The following ASRGL1 variants were observed in gnomAD, a reference collection of about 807,000 sequenced individuals.
ASRGL1 encodes the protein isoaspartyl peptidase/L-asparaginase.
ASRGL1 carries 16 observed loss-of-function variants against 22.4 expected under a neutral mutation model. The observed-to-expected ratio is 0.71, with a 90% confidence interval of 0.48 to 1.08. The LOEUF (loss-of-function observed/expected upper bound fraction) is 1.08, where lower values mean the gene tolerates loss of function less well. Ranked by LOEUF, ASRGL1 falls within the 50% of genes least tolerant of loss-of-function variation. ASRGL1 has a pLI of 0.00. For missense variants in ASRGL1, 412 were observed against 410.1 expected (o/e 1.00, Z -0.04); for synonymous variants, 165 against 159.3 (o/e 1.04, Z -0.27).
At chr11:62,366,043 C>T (rs1447748156) in intron 4 of ASRGL1, among the ~76,000 whole-genome samples, 1 of 146,602 alleles carries the variant, frequency 6.8e-6, no homozygotes, top group African/African-American at 2.6e-5. Flanking sequence ...GCAGACTGCC[C>T]GAGCTCAGGA....
intron 4 of ASRGL1, among the ~76,000 whole-genome samples, chr11:62,369,448 C>G (rs569512494): frequency 6.6e-6 from 1 of 152,108 alleles, no homozygotes; most frequent in Non-Finnish European, 1.5e-5. Flanking sequence ...CTCTTTTCCC[C>G]ACATAACCCT....
intron 2 of ASRGL1, among the ~76,000 whole-genome samples, chr11:62,338,949 A>AAAAC (rs56398788): frequency 6.8e-6 from 1 of 148,126 alleles, no homozygotes; most frequent in Non-Finnish European, 1.5e-5. Flanking sequence ...AAAAAAAAAA[A>AAAAC]CTGAAAAAAG....
At chr11:62,369,520 G>A (rs1290890503) in intron 4 of ASRGL1, among the ~76,000 whole-genome samples, 1 of 151,894 alleles carries the variant, frequency 6.6e-6, no homozygotes, top group Non-Finnish European at 1.5e-5. Flanking sequence ...CTGTCTCTTC[G>A]GAGCTGCTGG....
chr11:62,338,874 G>A (rs565675701), intron 2 of ASRGL1, among the ~76,000 whole-genome samples: 10 of 150,430 alleles, frequency 6.6e-5, no homozygotes, highest in African/African-American at 2.2e-4. Flanking sequence ...GAACCTGAGA[G>A]GCAGAGGTTG....
At position 62,363,650 on chromosome 11, in the gene ASRGL1, A is replaced by G. The variant is rs72923219; in HGVS notation, c.491+6506A>G. Among the ~76,000 whole-genome samples, 336 of 152,362 alleles carry G rather than the reference A, an allele frequency of 2.2e-3. 2 individuals are homozygous for G. Among genetic ancestry groups the G allele is most frequent in the Non-Finnish European group, 2.8e-3 (193 of 68,038 alleles). ...GCAATCACAATTTATATATAAATCC[A>G]TATAGTATTTGAGTGTGATCATGTA... On this transcript the variant is annotated intron_variant, in intron 4 of 6. Transcript: ENST00000415229.
intron 6 of ASRGL1, 158 bp from the exon 7 acceptor site, chr11:62,391,921 C>A: frequency 1.1e-6 from 1 of 880,056 alleles, no homozygotes; most frequent in Non-Finnish European, 1.8e-6. Context: ...AGGGCGCTGT[C>A]TCAGGGCAAG....
At chr11:62,364,142 G>A (rs1946550978) in intron 4 of ASRGL1, among the ~76,000 whole-genome samples, 1 of 137,626 alleles carries the variant, frequency 7.3e-6, no homozygotes, top group Non-Finnish European at 1.6e-5. Context: ...CTGGGTGACA[G>A]GGTAAGAGTC....
At chr11:62,357,416 ATTTTTTT>A (rs1342638247) in intron 4 of ASRGL1, among the ~76,000 whole-genome samples, 1 of 100,412 alleles carries the variant, frequency 1.0e-5, no homozygotes, top group Non-Finnish European at 1.9e-5. Context: ...CACCCGGCTC[ATTTTTTT>A]TTTTTTTTTT....
intron 2 of ASRGL1, 102 bp downstream of exon 2, chr11:62,338,269 G>A: frequency 8.4e-7 from 1 of 1,184,896 alleles, no homozygotes. Context: ...TGAGCTTTGG[G>A]GTGAAACTAA....
At chr11:62,365,236 T>C (rs764580854) in intron 4 of ASRGL1, among the ~76,000 whole-genome samples, 34 of 152,048 alleles carry the variant, frequency 2.2e-4, no homozygotes, top group Non-Finnish European at 4.1e-4. Flanking sequence ...GCTAATAATA[T>C]TGTGTACTGG....
At chr11:62,361,429 TC>T (rs34694043) in intron 4 of ASRGL1, among the ~76,000 whole-genome samples, 1 of 151,034 alleles carries the variant, frequency 6.6e-6, no homozygotes, top group Non-Finnish European at 1.5e-5. Context: ...CAAGGGATCT[TC>T]CCTCCTGCTT....
chr11:62,357,167 A>G (rs1236878671), intron 4 of ASRGL1, 23 bp downstream of exon 4: 2 of 1,606,796 alleles, frequency 1.2e-6, no homozygotes. Context: ...TGTGGCTCGC[A>G]TTATTTGGGA....
At chr11:62,358,449 G>T (rs1259933294) in intron 4 of ASRGL1, among the ~76,000 whole-genome samples, 1 of 151,572 alleles carries the variant, frequency 6.6e-6, no homozygotes. Flanking sequence ...TTGTGTCTGT[G>T]GGCTAGAGTC....
intron 4 of ASRGL1, among the ~76,000 whole-genome samples, chr11:62,376,747 T>C (rs1015300589): frequency 2.0e-5 from 3 of 152,216 alleles, no homozygotes; most frequent in Non-Finnish European, 2.9e-5. Context: ...TCCTGTTGTA[T>C]GTGTAATTTT....
intron 4 of ASRGL1, among the ~76,000 whole-genome samples, chr11:62,368,988 C>T (rs1187249176): frequency 6.6e-6 from 1 of 152,132 alleles, no homozygotes; most frequent in Non-Finnish European, 1.5e-5. Flanking sequence ...ATTACAACTG[C>T]AAAGAGGCCT....
intron 4 of ASRGL1, among the ~76,000 whole-genome samples, chr11:62,358,138 G>A (rs1284898319): frequency 6.6e-6 from 1 of 152,198 alleles, no homozygotes; most frequent in African/African-American, 2.4e-5. Context: ...GGAGGCCGAG[G>A]CGGACGGATT....
intron 2 of ASRGL1, among the ~76,000 whole-genome samples, chr11:62,348,668 A>C (rs1590709123): frequency 6.6e-6 from 1 of 151,646 alleles, no homozygotes; most frequent in Non-Finnish European, 1.5e-5. Flanking sequence ...GCGCCACTGC[A>C]CTCCAGCCTG....
intron 2 of ASRGL1, among the ~76,000 whole-genome samples, chr11:62,345,960 C>T (rs1218639213): frequency 2.6e-5 from 4 of 152,134 alleles, no homozygotes; most frequent in Non-Finnish European, 4.4e-5. Flanking sequence ...TAACAGGCCA[C>T]AGACCAGTAC....
chr11:62,371,562 A>T (rs1946766634), intron 4 of ASRGL1: 17 of 699,696 alleles, frequency 2.4e-5, no homozygotes, highest in South Asian at 1.6e-4. Flanking sequence ...CAGGGACACA[A>T]TACACTGCGG....
Sources: gnomAD v4.1 joint callset for allele counts (sites outside exome capture counted in the v4.1 genomes callset) on GRCh38, gnomAD v4.1.1 for gene constraint, MANE v1.5 for transcripts, NCBI Gene and HGNC (gene_info 2026-07-23, HGNC 2026-07-21) for gene names.